Variants in PRKN observed in about 807,000 individuals in gnomAD.
The protein encoded by PRKN is E3 ubiquitin-protein ligase parkin.
In PRKN, 56 loss-of-function variants were observed where a neutral mutation model predicts 59.5. The ratio of observed to expected loss-of-function variants is 0.94; its 90% CI spans 0.76 to 1.18. The LOEUF (loss-of-function observed/expected upper bound fraction) is 1.18. Ranked by LOEUF, PRKN falls within the 50% of genes most tolerant of loss-of-function variation. The pLI, the probability that PRKN is intolerant of heterozygous loss-of-function variation, is 0.00. For missense variants in PRKN, 657 were observed against 596.4 expected (o/e 1.10, Z -1.06); for synonymous variants, 250 against 222.1 (o/e 1.13, Z -1.12).
chr6:162,705,497 C>T (rs771161697), intron 1 of PRKN, among the ~76,000 whole-genome samples: 1 of 152,084 alleles, frequency 6.6e-6, no homozygotes, highest in African/African-American at 2.4e-5. Flanking sequence ...GCAAACGATA[C>T]CAGTCAAGGA....
intron 1 of PRKN, among the ~76,000 whole-genome samples, chr6:162,622,419 G>A (rs891771778): frequency 1.4e-4 from 21 of 151,806 alleles, no homozygotes; most frequent in African/African-American, 2.9e-4. Context: ...CCTCGCCTCA[G>A]GTCATCTGCC....
At chr6:161,896,379 A>T (rs1194434645) in intron 6 of PRKN, among the ~76,000 whole-genome samples, 1 of 152,134 alleles carries the variant, frequency 6.6e-6, no homozygotes, top group East Asian at 1.9e-4. Flanking sequence ...CTGAGCTCTG[A>T]CACTGCCCAT....
intron 4 of PRKN, among the ~76,000 whole-genome samples, chr6:162,144,122 T>G (rs1031026454): frequency 1.3e-5 from 2 of 152,164 alleles, no homozygotes; most frequent in African/African-American, 4.8e-5. Context: ...ACAGGCTCTC[T>G]CTCAAAATGT....
intron 2 of PRKN, among the ~76,000 whole-genome samples, chr6:162,433,412 T>C (rs917187546): frequency 6.6e-6 from 1 of 152,188 alleles, no homozygotes; most frequent in Non-Finnish European, 1.5e-5. Context: ...AGTGATTTCA[T>C]CTAGTGTATG....
chr6:162,609,348 C>A (rs1782046142), intron 1 of PRKN, among the ~76,000 whole-genome samples: 1 of 152,196 alleles, frequency 6.6e-6, no homozygotes, highest in African/African-American at 2.4e-5. Flanking sequence ...GGGAATTAAA[C>A]TGGACATTTG....
In PRKN at chr6:161,551,957, A is replaced by C. The variant is rs150658900; in HGVS notation, c.934-2954T>G. Among the ~76,000 whole-genome samples the C allele has an allele frequency of 6.6e-6, 1 of 152,162 alleles. No homozygotes were observed. The highest frequency in any genetic ancestry group is 6.5e-5 in the Admixed American group (1 of 15,288). ...GCAGGCAGCCATCCTTAGGAAGAGGAGGCCCGGCTGAGTGCTTAGGCCCAG... is the reference window on the plus strand; with the variant it reads ...GCAGGCAGCCATCCTTAGGAAGAGGCGGCCCGGCTGAGTGCTTAGGCCCAG... On this transcript the variant is annotated intron_variant, in intron 8 of 11. Coordinates refer to ENST00000366898, the MANE Select transcript of PRKN (RefSeq NM_004562.3). This position sits in a 1 kb window ranked among gnomAD's most constrained non-coding sequence, Gnocchi z 5.2.
At chr6:162,531,083 C>T (rs928915707) in intron 1 of PRKN, among the ~76,000 whole-genome samples, 1 of 127,118 alleles carries the variant, frequency 7.9e-6, no homozygotes, top group African/African-American at 2.8e-5. Flanking sequence ...AAAAAATGTA[C>T]AGGCCAGGCG....
At chr6:161,861,480 G>A (rs1793894715) in intron 6 of PRKN, among the ~76,000 whole-genome samples, 1 of 151,992 alleles carries the variant, frequency 6.6e-6, no homozygotes, top group Admixed American at 6.6e-5. Flanking sequence ...ATGCATGTGG[G>A]GCTTATAACC....
At chr6:162,209,881 C>A (rs1025181308) in intron 3 of PRKN, among the ~76,000 whole-genome samples, 1 of 151,606 alleles carries the variant, frequency 6.6e-6, no homozygotes, top group Non-Finnish European at 1.5e-5. Context: ...ACTGCATGTT[C>A]TCACTCATAG....
At chr6:161,859,903 G>A (rs78724176) in intron 6 of PRKN, among the ~76,000 whole-genome samples, 3,101 of 152,242 alleles carry the variant, frequency 0.02, 100 homozygotes, top group East Asian at 0.13. Flanking sequence ...TAATTCCCCT[G>A]AGAAAAACTG....
At chr6:161,510,486 G>A (rs896111987) in intron 9 of PRKN, among the ~76,000 whole-genome samples, 26 of 152,144 alleles carry the variant, frequency 1.7e-4, no homozygotes, top group Admixed American at 5.2e-4. Context: ...AGACCAACGC[G>A]AAGCCCATTG....
intron 1 of PRKN, among the ~76,000 whole-genome samples, chr6:162,508,460 A>G (rs1793700987): frequency 6.6e-6 from 1 of 152,218 alleles, no homozygotes. Flanking sequence ...CCATTATCAT[A>G]AGCTGTGATG....
At chr6:162,363,902 C>A (rs1785282386) in intron 2 of PRKN, among the ~76,000 whole-genome samples, 1 of 152,166 alleles carries the variant, frequency 6.6e-6, no homozygotes, top group Non-Finnish European at 1.5e-5. Context: ...TTCCCCTAGA[C>A]AAAAGGCTTG....
intron 1 of PRKN, among the ~76,000 whole-genome samples, chr6:162,708,922 C>T (rs568405529): frequency 1.3e-5 from 2 of 152,184 alleles, no homozygotes; most frequent in East Asian, 1.9e-4. Context: ...TCTGTATTTA[C>T]AGGTGCTCCC....
intron 5 of PRKN, among the ~76,000 whole-genome samples, chr6:162,003,819 C>T (rs941464226): frequency 6.6e-6 from 1 of 152,050 alleles, no homozygotes; most frequent in African/African-American, 2.4e-5. Context: ...CAATTAGGTC[C>T]TGTTGATTGG....
intron 1 of PRKN, among the ~76,000 whole-genome samples, chr6:162,724,407 T>A (rs922808136): frequency 2.6e-5 from 4 of 152,190 alleles, no homozygotes; most frequent in African/African-American, 9.7e-5. Flanking sequence ...AATAAGGGAA[T>A]CTTCGGTTTT....
At chr6:162,670,675 G>C (rs900865536) in intron 1 of PRKN, among the ~76,000 whole-genome samples, 3 of 152,116 alleles carry the variant, frequency 2.0e-5, no homozygotes, top group African/African-American at 7.2e-5. Flanking sequence ...TAAGCTTCCT[G>C]CTTCAACAAT....
At chr6:161,851,834 C>A (rs1450963998) in intron 6 of PRKN, among the ~76,000 whole-genome samples, 1 of 151,462 alleles carries the variant, frequency 6.6e-6, no homozygotes, top group African/African-American at 2.4e-5. Context: ...CGCCTGTAAT[C>A]CCAGCACTTT....
intron 5 of PRKN, among the ~76,000 whole-genome samples, chr6:161,974,508 T>G (rs1314606231): frequency 2.0e-5 from 3 of 152,126 alleles, no homozygotes; most frequent in Non-Finnish European, 4.4e-5. Context: ...CTCAACCACG[T>G]TTTTTCTTCA....
Sources: gnomAD v4.1 joint callset for allele counts (sites outside exome capture counted in the v4.1 genomes callset) on GRCh38, gnomAD v4.1.1 for gene constraint, Gnocchi (gnomAD v3.1) non-coding constraint, MANE v1.5 for transcripts, NCBI Gene and HGNC (gene_info 2026-07-23, HGNC 2026-07-21) for gene names.